Variants in CNOT6L observed in about 807,000 individuals in gnomAD.
The protein encoded by CNOT6L is CCR4-NOT transcription complex subunit 6-like.
In CNOT6L, 7 loss-of-function variants were observed where a neutral mutation model predicts 64.0. That is an observed-to-expected ratio of 0.11 (90% CI 0.06 to 0.21). The LOEUF is 0.21. Ranked by LOEUF, CNOT6L falls within the 10% of genes least tolerant of loss-of-function variation. The probability of loss-of-function intolerance (pLI) is 1.00; values close to 1 mark genes in which losing one functional copy is unlikely to be tolerated. For synonymous variants in CNOT6L, 193 were observed against 243.4 expected, an observed-to-expected ratio of 0.79 and a Z score of 1.93; for missense variants, 245 against 669.0, an observed-to-expected ratio of 0.37 and a Z score of 6.99.
chr4:77,749,280 A>C (rs540978223), intron 5 of CNOT6L, among the ~76,000 whole-genome samples: 1 of 152,312 alleles, frequency 6.6e-6, no homozygotes, highest in South Asian at 2.1e-4. Context: ...CATATATTCC[A>C]TATCTTGCCA....
chr4:77,804,391 T>G (rs1731976877), intron 1 of CNOT6L, among the ~76,000 whole-genome samples: 1 of 148,872 alleles, frequency 6.7e-6, no homozygotes, highest in Admixed American at 6.8e-5. Context: ...ATCGTGCCAC[T>G]GCACTCCAGC....
intron 1 of CNOT6L, among the ~76,000 whole-genome samples, chr4:77,780,727 A>G (rs1728763726): frequency 6.6e-6 from 1 of 151,286 alleles, no homozygotes; most frequent in Admixed American, 6.5e-5. Flanking sequence ...CCACAGGGTG[A>G]AGACTTTAAT....
At chr4:77,772,126 T>A (rs1162509248) in intron 4 of CNOT6L, among the ~76,000 whole-genome samples, 1 of 152,252 alleles carries the variant, frequency 6.6e-6, no homozygotes, top group African/African-American at 2.4e-5. Context: ...AATTTTACTA[T>A]TATAATGTTT....
intron 11 of CNOT6L, among the ~76,000 whole-genome samples, chr4:77,723,233 CCTT>C (rs138107723): frequency 0.05 from 7,678 of 152,184 alleles, 234 homozygotes; most frequent in African/African-American, 0.085. Flanking sequence ...AAGGAGTAAT[CCTT>C]CTAATTGTTT....
rs1030730847 is a variant in CNOT6L at position 77,719,507 on chromosome 4, T to G, written c.*924A>C. On this transcript the variant is annotated 3_prime_UTR_variant, in exon 12 of 12. Coordinates refer to ENST00000504123, the MANE Select transcript of CNOT6L (RefSeq NM_144571.3). ...AGGCCTTTTTATTCAGCAGACTTTT[T>G]TCTTCTTTTAACATTTGACTATAAT... 1 of 152,602 alleles carries G rather than the reference T, an allele frequency of 6.6e-6. No homozygotes were observed. The allele number at this position is 152,602 out of a possible 1,614,324, so 9.5% of individuals were successfully genotyped here. A position where few individuals can be genotyped will look rare whatever the true frequency, so the allele number is the denominator to read the frequency against.
chr4:77,810,368 A>C (rs1732777093), intron 1 of CNOT6L, among the ~76,000 whole-genome samples: 1 of 152,126 alleles, frequency 6.6e-6, no homozygotes, highest in Admixed American at 6.5e-5. Flanking sequence ...TATAAAGAAA[A>C]CTTGTAAAAA....
Position 77,785,234 on chromosome 4 carries a change from T to C in CNOT6L, c.6-8842A>G, listed in dbSNP as rs191481737. 6.2e-3 allele frequency among the ~76,000 whole-genome samples: 945 copies of C among 152,172 alleles called. 7 individuals are homozygous for C. Among genetic ancestry groups the C allele is most frequent in the Non-Finnish European group, 0.01 (705 of 67,974 alleles). ...TGGTATATCCATATGGAAAAATAAA[T>C]AAACAAACATCAATCCATACCTTGC... is the stretch of plus-strand genomic sequence containing the variant. On this transcript the variant is annotated intron_variant, in intron 1 of 11. Coordinates refer to ENST00000504123, the MANE Select transcript of CNOT6L (RefSeq NM_144571.3).
chr4:77,739,889 T>C (rs555049771), intron 8 of CNOT6L, among the ~76,000 whole-genome samples: 3 of 152,342 alleles, frequency 2.0e-5, no homozygotes, highest in Non-Finnish European at 1.5e-5. Flanking sequence ...TAACTACTTC[T>C]AGTAAATTGT....
intron 1 of CNOT6L, among the ~76,000 whole-genome samples, chr4:77,815,715 C>T (rs1733494391): frequency 6.6e-6 from 1 of 152,136 alleles, no homozygotes; most frequent in Non-Finnish European, 1.5e-5. Flanking sequence ...TCATTTAAGT[C>T]TGGAGTTTCT....
At chr4:77,776,752 C>T (rs760475994) in intron 1 of CNOT6L, among the ~76,000 whole-genome samples, 12 of 152,202 alleles carry the variant, frequency 7.9e-5, no homozygotes, top group African/African-American at 2.9e-4. Context: ...ATTCTATCCT[C>T]CTTTCCTCAG....
At position 77,738,186 on chromosome 4, in the gene CNOT6L, T is replaced by C. The variant is rs2109924451; in HGVS notation, c.872+3955A>G. On this transcript the variant is annotated intron_variant, in intron 8 of 11. Coordinates refer to ENST00000504123, the MANE Select transcript of CNOT6L (RefSeq NM_144571.3). The stretch of plus-strand genomic sequence containing the variant: ...CCATGACAACCTAAGTTCCCAATCC[T>C]ATGATAAGAGATTGCCTCTTCACAG... Among the ~76,000 whole-genome samples the C allele has an allele frequency of 2.6e-5, 4 of 152,292 alleles. No homozygotes were observed. In the South Asian group the frequency reaches 8.3e-4, roughly 32 times the overall value.
At chr4:77,768,277 C>T (rs1727088349) in intron 4 of CNOT6L, among the ~76,000 whole-genome samples, 1 of 151,740 alleles carries the variant, frequency 6.6e-6, no homozygotes, top group Non-Finnish European at 1.5e-5. Context: ...CTAGCCTGGC[C>T]AGCATGGTGA....
chr4:77,747,847 A>G (rs1490970337), intron 6 of CNOT6L, among the ~76,000 whole-genome samples: 1 of 152,204 alleles, frequency 6.6e-6, no homozygotes, highest in Non-Finnish European at 1.5e-5. Flanking sequence ...ATATATGTCT[A>G]GTCTACATTA....
intron 4 of CNOT6L, among the ~76,000 whole-genome samples, chr4:77,763,443 ACACTAG>A (rs1454661281): frequency 6.6e-6 from 1 of 152,086 alleles, no homozygotes; most frequent in Non-Finnish European, 1.5e-5. Context: ...TCACCAAAAG[ACACTAG>A]CATCATAAGA....
intron 1 of CNOT6L, among the ~76,000 whole-genome samples, chr4:77,807,197 G>C (rs538478984): frequency 6.7e-6 from 1 of 148,988 alleles, no homozygotes; most frequent in Non-Finnish European, 1.5e-5. Context: ...AGAATCGCTT[G>C]AACCAGGGAG....
At chr4:77,789,090 G>A (rs2110102937) in intron 1 of CNOT6L, among the ~76,000 whole-genome samples, 1 of 152,236 alleles carries the variant, frequency 6.6e-6, no homozygotes, top group South Asian at 2.1e-4. Context: ...AAACTGGTAT[G>A]CTTGAATGGG....
chr4:77,757,202 T>C (rs1349268715), intron 4 of CNOT6L, among the ~76,000 whole-genome samples: 8 of 152,138 alleles, frequency 5.3e-5, no homozygotes. Flanking sequence ...TCATAGTCAA[T>C]TCTGAAGTAA....
chr4:77,802,105 G>A (rs1731652253), intron 1 of CNOT6L, among the ~76,000 whole-genome samples: 1 of 152,152 alleles, frequency 6.6e-6, no homozygotes, highest in African/African-American at 2.4e-5. Flanking sequence ...ATGCTACTAA[G>A]AAGATTCCAA....
At chr4:77,758,267 AT>A (rs1339595604) in intron 4 of CNOT6L, among the ~76,000 whole-genome samples, 4 of 152,208 alleles carry the variant, frequency 2.6e-5, no homozygotes, top group African/African-American at 9.6e-5. Flanking sequence ...ACTGAATGTA[AT>A]TATAACTCCA....
Sources: gnomAD v4.1 joint callset for allele counts (sites outside exome capture counted in the v4.1 genomes callset) on GRCh38, gnomAD v4.1.1 for gene constraint, MANE v1.5 for transcripts, NCBI Gene and HGNC (gene_info 2026-07-23, HGNC 2026-07-21) for gene names.